Variants in SPNS2 observed in about 807,000 individuals in gnomAD.
SPNS2 encodes the protein sphingosine-1-phosphate transporter SPNS2.
SPNS2 carries 37 observed loss-of-function variants against 57.6 expected under a neutral mutation model. The observed-to-expected ratio is 0.64, with a 90% CI of 0.49 to 0.85. The LOEUF is 0.85. SPNS2 is among the 40% of genes least tolerant of loss of function. The probability of loss-of-function intolerance (pLI) is 0.00; values close to 1 mark genes in which losing one functional copy is unlikely to be tolerated. For synonymous variants in SPNS2, 440 were observed against 346.9 expected (o/e 1.27, Z -2.98); for missense variants, 831 against 779.1 (o/e 1.07, Z -0.79).
chr17:4,536,316 G>C lies in SPNS2; in HGVS notation c.1497G>C (p.Leu499=). 1 of 1,612,546 alleles carries C rather than the reference G, an allele frequency of 6.2e-7. No homozygotes were observed. The highest frequency in any genetic ancestry group is 2.2e-5 in the East Asian group (1 of 44,886). Residue 499 remains leucine (L), a synonymous_variant, in exon 11 of 13, where the codon CTG becomes CTC. Transcript: ENST00000329078. ...STKDSPLWEF[L]SLGYALMLCP... ...AGGACTCCCCGCTCTGGGAGTTCCT[G>C]AGCCTGGGCTACGCGCTCATGCTCT...
At position 4,512,764 on chromosome 17, in the gene SPNS2, G is replaced by A. The variant is rs1242381014; in HGVS notation, c.371-483G>A. 6.6e-6 allele frequency among the ~76,000 whole-genome samples: 1 copy of A among 152,142 alleles called. No individual in the cohort carries two copies. The highest frequency in any genetic ancestry group is 1.5e-5 in the Non-Finnish European group (1 of 68,002). On this transcript the variant is annotated intron_variant, in intron 1 of 12. Coordinates refer to ENST00000329078, the MANE Select transcript of SPNS2 (RefSeq NM_001124758.3). The surrounding 1 kb of genome is among the most constrained non-coding windows in gnomAD (Gnocchi z 5.2). ...TGCATGTACAGGTGTGTGCGTGTGT[G>A]TGCGAATGTGGTTGTGCACATGTGC...
intron 1 of SPNS2, among the ~76,000 whole-genome samples, chr17:4,506,161 G>A (rs919950792): frequency 2.6e-5 from 4 of 152,128 alleles, no homozygotes; most frequent in African/African-American, 9.7e-5. Flanking sequence ...CCTGGCTCCT[G>A]CAGCCTCTGT....
chr17:4,532,151 CATCCGTCTGTCCATCTGTCCATCT>C (rs1259742017), intron 5 of SPNS2, among the ~76,000 whole-genome samples: 1 of 126,104 alleles, frequency 7.9e-6, no homozygotes, highest in Non-Finnish European at 1.7e-5. Flanking sequence ...TCCATCTGTC[CATCCGTCTGTCCATCTGTCCATCT>C]ATCCGTCCAT....
chr17:4,509,562 C>T (rs531496942), intron 1 of SPNS2, among the ~76,000 whole-genome samples: 2 of 152,322 alleles, frequency 1.3e-5, no homozygotes, highest in East Asian at 3.9e-4. Flanking sequence ...TTGTGGGCTG[C>T]TGTGCAGGAG....
At chr17:4,537,406 A>C (rs1280571859) in intron 12 of SPNS2, 47 bp from the exon 13 acceptor site, 2 of 417,762 alleles carry the variant, frequency 4.8e-6, no homozygotes, top group South Asian at 1.7e-5. Context: ...CAGCCTTGGC[A>C]CAGGCCCCAC....
intron 3 of SPNS2, among the ~76,000 whole-genome samples, chr17:4,528,597 C>T (rs1356033717): frequency 1.3e-5 from 2 of 152,162 alleles, no homozygotes; most frequent in Non-Finnish European, 2.9e-5. Context: ...CTGCCTCAGC[C>T]TCCCGCGTAG....
In SPNS2 at chr17:4,538,834, T is replaced by TCCACCC; in HGVS notation, c.*1391_*1396dup. 1 of 777,214 alleles carries TCCACCC rather than the reference T, an allele frequency of 1.3e-6. No individual in the cohort carries two copies. The highest frequency in any genetic ancestry group is 2.4e-5 in the East Asian group (1 of 41,120). 48.1% of individuals were successfully genotyped at this position (777,214 alleles called of 1,614,324 possible). A position where few individuals can be genotyped will look rare whatever the true frequency, so the allele number is the denominator to read the frequency against. The stretch of plus-strand genomic sequence containing the variant: ...GGGTGGCATCCTCCAAAGACCAGCC[T>TCCACCC]CCACCCCCACTCCAGCCTCAGCGGG... On this transcript the variant is annotated 3_prime_UTR_variant, in exon 13 of 13. Coordinates refer to ENST00000329078, the MANE Select transcript of SPNS2 (RefSeq NM_001124758.3).
At chr17:4,536,833 C>T (rs757828648) in intron 11 of SPNS2, 67 bp from the exon 12 acceptor site, 1 of 1,354,432 alleles carries the variant, frequency 7.4e-7, no homozygotes, top group Non-Finnish European at 1.1e-6. Context: ...ACACGATGTG[C>T]CAGAGCAGTG....
In SPNS2 at chr17:4,536,173, T is replaced by G. The variant is rs1375034075; in HGVS notation, c.1442T>G (p.Phe481Cys). The G allele has an allele frequency of 3.1e-6, 5 of 1,611,272 alleles. No individual in the cohort carries two copies. The highest frequency in any genetic ancestry group is 4.2e-6 in the Non-Finnish European group (5 of 1,179,352). Residue 481 changes from phenylalanine (F) to cysteine (C), a missense_variant and splice_region_variant, in exon 10 of 13, where the codon TTT becomes TGT. Transcript: ENST00000329078. The stretch of plus-strand genomic sequence containing the variant: ...GCCGGGAGCCCCTACCTCATTGGCT[T>G]TGTGAGTAGCCCCGGGGTGGGGCTG... ...GDAGSPYLIG[F>C]ISDLIRQSTK...
chr17:4,499,380 C>T lies in SPNS2; in HGVS notation c.333C>T (p.Gly111=). ...CAGCCGCCGCCATCCTCAGCTTGGG[C>T]AACGTGCTCAACTACCTGGACAGGT... The part of the protein sequence containing the change: ...RGAAAAILSL[G]NVLNYLDRYT... The change falls in exon 1 of 13, where the codon GGC becomes GGT. Residue 111 remains glycine, a synonymous_variant. Transcript: ENST00000329078. This position sits in a 1 kb window ranked among gnomAD's most constrained non-coding sequence, Gnocchi z 5.2. 1 of 1,400,732 alleles carries T rather than the reference C, an allele frequency of 7.1e-7. No individual in the cohort carries two copies. The highest frequency in any genetic ancestry group is 9.3e-7 in the Non-Finnish European group (1 of 1,080,040). 86.8% of individuals were successfully genotyped at this position (1,400,732 alleles called of 1,614,324 possible). A position where few individuals can be genotyped will look rare whatever the true frequency, so the allele number is the denominator to read the frequency against.
At chr17:4,518,504 C>G (rs892441362) in intron 2 of SPNS2, among the ~76,000 whole-genome samples, 9 of 152,182 alleles carry the variant, frequency 5.9e-5, no homozygotes, top group African/African-American at 2.2e-4. Flanking sequence ...GCCTGGGCGA[C>G]AGAGCGAGAC....
At chr17:4,530,242 G>A (rs1227204871) in intron 3 of SPNS2, among the ~76,000 whole-genome samples, 2 of 152,332 alleles carry the variant, frequency 1.3e-5, no homozygotes, top group East Asian at 1.9e-4. Context: ...ACACAGAGTG[G>A]AGGGTGGTGG....
chr17:4,506,229 C>T (rs894844750), intron 1 of SPNS2, among the ~76,000 whole-genome samples: 4 of 152,202 alleles, frequency 2.6e-5, no homozygotes, highest in African/African-American at 7.2e-5. Context: ...AGTCCCTGGC[C>T]GCCTTGGCTA....
At chr17:4,502,777 A>G (rs1473698050) in intron 1 of SPNS2, among the ~76,000 whole-genome samples, 1 of 152,138 alleles carries the variant, frequency 6.6e-6, no homozygotes, top group Non-Finnish European at 1.5e-5. Context: ...GCTGGCCACG[A>G]TGCCTTTCCT....
intron 1 of SPNS2, among the ~76,000 whole-genome samples, chr17:4,505,160 G>A (rs1640882443): frequency 6.6e-6 from 1 of 152,184 alleles, no homozygotes; most frequent in Non-Finnish European, 1.5e-5. Flanking sequence ...TCCCCATGGA[G>A]AGTCACCATC....
chr17:4,536,387 C>A lies in SPNS2; in HGVS notation c.1568C>A (p.Ala523Glu). ...VLGGMFFLAT[A>E]LFFVSDRARA... ...GGCGGCATGTTCTTCCTCGCCACTG[C>A]GCTCTTCTTCGTCAGCGACCGCGCC... The change falls in exon 11 of 13, where the codon GCG becomes GAG. Residue 523 changes from alanine to glutamate, a missense_variant. Ala to Glu is a moderately radical substitution (Grantham distance 107). This residue lies in a region of SPNS2 where 526 missense variants were observed against 400.9 expected (regional missense o/e 1.31). Coordinates refer to ENST00000329078, the MANE Select transcript of SPNS2 (RefSeq NM_001124758.3). 6.2e-7 allele frequency: 1 copy of A among 1,607,100 alleles called. No homozygotes were observed. The highest frequency in any genetic ancestry group is 8.5e-7 in the Non-Finnish European group (1 of 1,179,830).
In SPNS2 at chr17:4,530,616, C is replaced by G; in HGVS notation, c.574-16C>G. 6.2e-7 allele frequency: 1 copy of G among 1,606,516 alleles called. No individual in the cohort carries two copies. The highest frequency in any genetic ancestry group is 8.5e-7 in the Non-Finnish European group (1 of 1,176,206). On this transcript the variant is annotated splice_polypyrimidine_tract_variant and intron_variant, in intron 3 of 12. Coordinates refer to ENST00000329078, the MANE Select transcript of SPNS2 (RefSeq NM_001124758.3). ...TGGGTAGTCGGTCCCCCAGCATCCTCCACCCCTCCTCACAGTACTTCTGGC... is the reference window on the plus strand; with the variant it reads ...TGGGTAGTCGGTCCCCCAGCATCCTGCACCCCTCCTCACAGTACTTCTGGC...
intron 3 of SPNS2, among the ~76,000 whole-genome samples, chr17:4,528,713 G>A (rs979062194): frequency 6.6e-6 from 1 of 152,078 alleles, no homozygotes. Context: ...CTGACCTCAG[G>A]TGATCCACTT....
chr17:4,522,279 C>T (rs1423082543), intron 2 of SPNS2, among the ~76,000 whole-genome samples: 1 of 152,220 alleles, frequency 6.6e-6, no homozygotes, highest in Admixed American at 6.5e-5. Context: ...TATATCAGCA[C>T]ACCACTGAAG....
Sources: gnomAD v4.1 joint callset for allele counts (sites outside exome capture counted in the v4.1 genomes callset) on GRCh38, gnomAD v4.1.1 for gene constraint, gnomAD v4.1.1 regional missense constraint, Gnocchi (gnomAD v3.1) non-coding constraint, MANE v1.5 for transcripts, NCBI Gene and HGNC (gene_info 2026-07-23, HGNC 2026-07-21) for gene names.